SHROOM3: variants seen among roughly 807,000 people sequenced by gnomAD.
The protein encoded by SHROOM3 is protein Shroom3.
SHROOM3 carries 47 observed loss-of-function variants against 138.6 expected under a neutral mutation model. The ratio of observed to expected loss-of-function variants is 0.34; its 90% CI spans 0.27 to 0.43. The LOEUF (loss-of-function observed/expected upper bound fraction) is 0.43, where lower values mean the gene tolerates loss of function less well. SHROOM3 is among the 20% of genes least tolerant of loss of function. SHROOM3 has a pLI of 1.00. For missense variants in SHROOM3, 2,491 were observed against 2,596.5 expected (o/e 0.96, Z 0.88); for synonymous variants, 1,062 against 1,063.3 (o/e 1.00, Z 0.02).
At position 76,567,301 on chromosome 4, in the gene SHROOM3, G is replaced by A. The variant is rs1450235706; in HGVS notation, c.323+11538G>A. Among the ~76,000 whole-genome samples the A allele has an allele frequency of 2.6e-5, 4 of 152,216 alleles. No individual in the cohort carries two copies. In the East Asian group the frequency reaches 5.8e-4, roughly 22 times the overall value. On this transcript the variant is annotated intron_variant, in intron 2 of 10. Transcript: ENST00000296043. ...TGTAATTCCAGCACTTTGGGAGACC[G>A]AGGTGGGTGGATCATTTGAGGTCAG...
chr4:76,474,382 A>G (rs2109983924), intron 1 of SHROOM3, among the ~76,000 whole-genome samples: 1 of 152,306 alleles, frequency 6.6e-6, no homozygotes, highest in South Asian at 2.1e-4. Context: ...GTAAGACTGA[A>G]TATGTTAAAA....
chr4:76,739,024 G>T lies in SHROOM3; in HGVS notation c.851G>T (p.Gly284Val). ...HPGISGRERS[G>V]SMDNTSARGG... is the part of the protein sequence containing the mutation. Reference sequence around the variant, plus strand: ...GGCATCTCTGGCCGGGAGCGTTCAGGCTCCATGGACAATACTTCTGCTCGA... The same window carrying T: ...GGCATCTCTGGCCGGGAGCGTTCAGTCTCCATGGACAATACTTCTGCTCGA... The change falls in exon 5 of 11, where the codon GGC becomes GTC. Residue 284 changes from glycine (G) to valine (V), a missense_variant. Coordinates refer to ENST00000296043, the MANE Select transcript of SHROOM3 (RefSeq NM_020859.4). The T allele has an allele frequency of 6.2e-7, 1 of 1,614,206 alleles. No homozygotes were observed. Among genetic ancestry groups the T allele is most frequent in the Non-Finnish European group, 8.5e-7 (1 of 1,180,034 alleles).
chr4:76,749,481 T>G (rs975472874), intron 6 of SHROOM3, among the ~76,000 whole-genome samples: 5 of 152,176 alleles, frequency 3.3e-5, no homozygotes, highest in African/African-American at 4.8e-5. Flanking sequence ...ACAGAATAAT[T>G]AATGGAGGTG....
intron 2 of SHROOM3, among the ~76,000 whole-genome samples, chr4:76,649,873 T>C (rs959363478): frequency 1.3e-5 from 2 of 152,164 alleles, no homozygotes; most frequent in African/African-American, 4.8e-5. Flanking sequence ...TGGGCAGCCA[T>C]AACAAAATAC....
At chr4:76,666,930 G>C (rs1718708361) in intron 2 of SHROOM3, among the ~76,000 whole-genome samples, 1 of 152,158 alleles carries the variant, frequency 6.6e-6, no homozygotes, top group Non-Finnish European at 1.5e-5. Flanking sequence ...ATATGACATA[G>C]GTGAACTTTG....
intron 1 of SHROOM3, among the ~76,000 whole-genome samples, chr4:76,472,204 C>G (rs1353111533): frequency 6.6e-6 from 1 of 152,106 alleles, no homozygotes; most frequent in South Asian, 2.1e-4. Flanking sequence ...TCATACACCT[C>G]ATGTGGATTG....
At chr4:76,513,501 A>G (rs1560529954) in intron 1 of SHROOM3, among the ~76,000 whole-genome samples, 1 of 152,066 alleles carries the variant, frequency 6.6e-6, no homozygotes, top group African/African-American at 2.4e-5. Flanking sequence ...TTTAGTAGAG[A>G]TGGGGTTTTA....
At chr4:76,661,603 G>A (rs936493011) in intron 2 of SHROOM3, among the ~76,000 whole-genome samples, 2 of 152,012 alleles carry the variant, frequency 1.3e-5, no homozygotes, top group African/African-American at 4.8e-5. Flanking sequence ...GCACCTCCAG[G>A]CACCTACTGT....
At chr4:76,683,025 A>C (rs1196794223) in intron 2 of SHROOM3, among the ~76,000 whole-genome samples, 2 of 152,230 alleles carry the variant, frequency 1.3e-5, no homozygotes, top group African/African-American at 4.8e-5. Flanking sequence ...GGAATTTCAC[A>C]GCTTTCCATT....
chr4:76,513,395 C>T (rs1273059813), intron 1 of SHROOM3, among the ~76,000 whole-genome samples: 1 of 151,942 alleles, frequency 6.6e-6, no homozygotes, highest in Non-Finnish European at 1.5e-5. Context: ...CTCACTGCAA[C>T]CTCTGCCTCC....
rs1353534525 is a variant in SHROOM3, at chr4:76,548,924, G to GGTTAAT, written c.169-6685_169-6684insGTTAAT. Reference sequence around the variant, plus strand: ...TCTGAAGTCATTTAACCTGTTGACAGTCGCATTCTTGGAATAAGTAAGTTC... The same window carrying GGTTAAT: ...TCTGAAGTCATTTAACCTGTTGACAGGTTAATTCGCATTCTTGGAATAAGTAAGTTC... On this transcript the variant is annotated intron_variant, in intron 1 of 10. Coordinates refer to ENST00000296043, the MANE Select transcript of SHROOM3 (RefSeq NM_020859.4). Among the ~76,000 whole-genome samples the GGTTAAT allele has an allele frequency of 3.4e-3, 515 of 152,324 alleles. 2 individuals are homozygous for GGTTAAT. The highest frequency in any genetic ancestry group is 0.012 in the African/African-American group (492 of 41,580).
intron 1 of SHROOM3, among the ~76,000 whole-genome samples, chr4:76,534,986 A>G (rs1300471938): frequency 6.6e-6 from 1 of 152,216 alleles, no homozygotes; most frequent in Non-Finnish European, 1.5e-5. Context: ...AGAGCTTCCC[A>G]GGTCCAGCTC....
intron 2 of SHROOM3, among the ~76,000 whole-genome samples, chr4:76,633,441 G>A (rs1340050862): frequency 6.6e-6 from 1 of 151,758 alleles, no homozygotes; most frequent in African/African-American, 2.4e-5. Flanking sequence ...CGGATCACGA[G>A]GTCGGGAGAT....
At chr4:76,752,016 A>G (rs183772067) in intron 6 of SHROOM3, among the ~76,000 whole-genome samples, 264 of 152,374 alleles carry the variant, frequency 1.7e-3, no homozygotes, top group African/African-American at 6.2e-3. Flanking sequence ...ACCCATGTTC[A>G]TAGCAGCTGT....
chr4:76,504,355 T>C (rs7673741), intron 1 of SHROOM3, among the ~76,000 whole-genome samples: 44,631 of 151,580 alleles, frequency 0.29, 7,324 homozygotes, highest in African/African-American at 0.43. Flanking sequence ...GACAGTGTTT[T>C]ACCACATTAG....
chr4:76,695,683 A>G (rs571923034), intron 2 of SHROOM3, among the ~76,000 whole-genome samples: 8 of 152,330 alleles, frequency 5.3e-5, no homozygotes, highest in African/African-American at 1.7e-4. Context: ...ATAAATATGG[A>G]TCCTAGTATC....
In SHROOM3 at chr4:76,770,650, C is replaced by A. The variant is rs760826047; in HGVS notation, c.5374C>A (p.His1792Asn). 1 of 1,614,122 alleles carries A rather than the reference C, an allele frequency of 6.2e-7. No homozygotes were observed. The highest frequency in any genetic ancestry group is 1.7e-5 in the Admixed American group (1 of 60,032). ...GGCTGAGCTCATTGGAAGTCTCACC[C>A]ACAAGCTGGAGACCCTCCAGGAGGC... ...KKAELIGSLT[H>N]KLETLQEAKG... The change falls in exon 10 of 11, where the codon CAC becomes AAC. Residue 1792 changes from histidine (H) to asparagine (N), a missense_variant. By Grantham distance (68) the His-to-Asn change is moderately conservative (BLOSUM62 1). Coordinates refer to ENST00000296043, the MANE Select transcript of SHROOM3 (RefSeq NM_020859.4).
intron 1 of SHROOM3, among the ~76,000 whole-genome samples, chr4:76,500,949 A>T (rs1732079876): frequency 6.6e-6 from 1 of 151,986 alleles, no homozygotes; most frequent in Non-Finnish European, 1.5e-5. Flanking sequence ...TGGGACTACA[A>T]GCGCACACCA....
intron 2 of SHROOM3, among the ~76,000 whole-genome samples, chr4:76,707,256 C>T (rs190923615): frequency 6.6e-6 from 1 of 152,242 alleles, no homozygotes; most frequent in East Asian, 1.9e-4. Context: ...TTTTTGAAAC[C>T]TGCCAAACTG....
Sources: allele counts gnomAD v4.1 joint callset (sites outside exome capture counted in the v4.1 genomes callset), GRCh38; gene constraint gnomAD v4.1.1; transcripts MANE v1.5; gene names NCBI Gene and HGNC (gene_info 2026-07-23, HGNC 2026-07-21).